Variants in ZHX3 observed in about 807,000 individuals in gnomAD.
ZHX3 encodes the protein zinc fingers and homeoboxes 3, also known as zinc fingers and homeoboxes protein 3.
Under a neutral mutation model 64.5 loss-of-function variants are expected in ZHX3, and 20 were observed. That is an observed-to-expected ratio of 0.31 (90% CI 0.22 to 0.45). ZHX3 has a LOEUF of 0.45. Ranked by LOEUF, ZHX3 falls within the 20% of genes least tolerant of loss-of-function variation. The pLI is 1.00. For synonymous variants in ZHX3, 423 were observed against 461.6 expected (o/e 0.92, Z 1.07); for missense variants, 1,041 against 1,195.8 (o/e 0.87, Z 1.91).
intron 1 of ZHX3, among the ~76,000 whole-genome samples, chr20:41,314,673 C>T (rs763632137): frequency 7.2e-5 from 11 of 152,124 alleles, no homozygotes; most frequent in African/African-American, 2.4e-4. Flanking sequence ...AAATCAAGAC[C>T]GTAATTCTTT....
In ZHX3 at chr20:41,185,481, AG is replaced by A; in HGVS notation, c.2861-281del. On this transcript the variant is annotated intron_variant, in intron 3 of 3. Transcript: ENST00000683867. This position sits in a 1 kb window ranked among gnomAD's most constrained non-coding sequence, Gnocchi z 5.0. Reference sequence around the variant, plus strand: ...GCAGGAGCAGTGGTTTGGCCTCTCCAGGCCCACTAAATCCCCCTAGCTCCCC... The same window carrying A: ...GCAGGAGCAGTGGTTTGGCCTCTCCAGCCCACTAAATCCCCCTAGCTCCCC... 1 of 549,426 alleles carries A rather than the reference AG, an allele frequency of 1.8e-6. No individual in the cohort carries two copies. The highest frequency in any genetic ancestry group is 2.9e-5 in the East Asian group (1 of 34,002). The allele number at this position is 549,426 out of a possible 1,614,324, so 34.0% of individuals were successfully genotyped here. A position where few individuals can be genotyped will look rare whatever the true frequency, so the allele number is the denominator to read the frequency against.
intron 2 of ZHX3, among the ~76,000 whole-genome samples, chr20:41,252,330 T>G (rs1451238343): frequency 6.6e-6 from 1 of 152,226 alleles, no homozygotes; most frequent in Admixed American, 6.5e-5. Flanking sequence ...GCAGGACTAC[T>G]GGATGCCTGC....
In ZHX3 at chr20:41,202,098, T is replaced by C. The variant is rs759354573; in HGVS notation, c.2819A>G (p.Glu940Gly). ...CTGGGGACTCGATGTGTCAAAGGGC[T>C]CTGAGCTGGCCTCAGGGACACGGGG... ...WEPRVPEASS[E>G]PFDTSSPQAG... The change falls in exon 3 of 4, where the codon GAG (glutamate) becomes GGG (glycine). Residue 940 changes from glutamate (E) to glycine (G), a missense_variant. Around this residue, in one of 4 missense-constraint regions of ZHX3, gnomAD observed 649 missense variants for 739.8 expected, o/e 0.88. Coordinates refer to ENST00000683867, the MANE Select transcript of ZHX3 (RefSeq NM_001384317.1). The surrounding 1 kb of genome is among the most constrained non-coding windows in gnomAD (Gnocchi z 7.0). 5 of 1,612,882 alleles carry C rather than the reference T, an allele frequency of 3.1e-6. No individual in the cohort carries two copies. The highest frequency in any genetic ancestry group is 3.4e-6 in the Non-Finnish European group (4 of 1,179,384).
intron 3 of ZHX3, chr20:41,188,583 T>C (rs905233043): frequency 6.6e-6 from 1 of 152,196 alleles, no homozygotes; most frequent in Non-Finnish European, 1.5e-5. Context: ...CTAATTTTTG[T>C]AGAGATGGGG....
At chr20:41,276,364 A>G (rs981276776) in intron 1 of ZHX3, among the ~76,000 whole-genome samples, 1 of 152,162 alleles carries the variant, frequency 6.6e-6, no homozygotes, top group Non-Finnish European at 1.5e-5. Flanking sequence ...GGGAGCCCAG[A>G]TAAGGCACTT....
intron 2 of ZHX3, among the ~76,000 whole-genome samples, chr20:41,241,064 AT>A (rs1986444182): frequency 6.6e-6 from 1 of 152,124 alleles, no homozygotes; most frequent in African/African-American, 2.4e-5. Context: ...TGATAGCTCT[AT>A]TTTTAGTTTT....
In ZHX3 at chr20:41,246,766, G is replaced by A. The variant is rs556706136; in HGVS notation, c.-151+22224C>T. Among the ~76,000 whole-genome samples, 7 of 151,680 alleles carry A rather than the reference G, an allele frequency of 4.6e-5. 1 individual carries two copies. Among genetic ancestry groups the A allele is most frequent in the South Asian group, 4.2e-4 (2 of 4,784 alleles). ...CACATGCCTGTAATCCCAGCTACTCGGAAGGCCAAAGCAGGAGAATCACTC... is the reference window on the plus strand; with the variant it reads ...CACATGCCTGTAATCCCAGCTACTCAGAAGGCCAAAGCAGGAGAATCACTC... On this transcript the variant is annotated intron_variant, in intron 2 of 3. Transcript: ENST00000683867.
chr20:41,225,935 C>G (rs923522232), intron 2 of ZHX3, among the ~76,000 whole-genome samples: 1 of 152,184 alleles, frequency 6.6e-6, no homozygotes, highest in Non-Finnish European at 1.5e-5. Context: ...TTCCCCCAGC[C>G]CCTGGCAACT....
chr20:41,301,346 T>C (rs2044795493), intron 1 of ZHX3, among the ~76,000 whole-genome samples: 1 of 152,134 alleles, frequency 6.6e-6, no homozygotes, highest in South Asian at 2.1e-4. Flanking sequence ...CACCCCATAC[T>C]CAAAATATAC....
rs2038530473 is a variant in ZHX3, at chr20:41,204,430, C to T, written c.487G>A (p.Asp163Asn). 1.2e-6 allele frequency: 2 copies of T among 1,614,080 alleles called. No individual in the cohort carries two copies. Among genetic ancestry groups the T allele is most frequent in the Non-Finnish European group, 1.7e-6 (2 of 1,180,038 alleles). Residue 163 changes from aspartate to asparagine, a missense_variant, in exon 3 of 4, where the codon GAC becomes AAC. Physicochemically the swap from Asp to Asn is conservative, Grantham distance 23 (BLOSUM62 1). This residue lies in a region of ZHX3 where 358 missense variants were observed against 369.1 expected (regional missense o/e 0.97). Transcript: ENST00000683867. The surrounding 1 kb of genome is among the most constrained non-coding windows in gnomAD (Gnocchi z 6.6). ...QSIPESTSTP[D>N]LAGEPSAEGA... ...TCAGCACTGGGCTCACCCGCTAGGT[C>T]AGGAGTGCTGGTGCTCTCAGGGATG... is the stretch of plus-strand genomic sequence containing the variant.
chr20:41,289,611 A>T (rs2044122990), intron 1 of ZHX3, among the ~76,000 whole-genome samples: 1 of 152,192 alleles, frequency 6.6e-6, no homozygotes, highest in African/African-American at 2.4e-5. Flanking sequence ...TATTGTACTA[A>T]TAAAACGTTT....
rs73907111 is a variant in ZHX3, at chr20:41,205,825, C to G, written c.-150-759G>C. Among the ~76,000 whole-genome samples the G allele has an allele frequency of 7.2e-3, 1,103 of 152,310 alleles. 9 individuals carry two copies. The highest frequency in any genetic ancestry group is 0.025 in the African/African-American group (1,057 of 41,566). On this transcript the variant is annotated intron_variant, in intron 2 of 3. Transcript: ENST00000683867. ...TCAAAGGGTGGTCTCACCTTGAGAT[C>G]TGAGAACAGTTGGACTGCCTCCCCA...
At chr20:41,276,349 TAA>T (rs899411130) in intron 1 of ZHX3, among the ~76,000 whole-genome samples, 3 of 152,150 alleles carry the variant, frequency 2.0e-5, no homozygotes, top group Non-Finnish European at 4.4e-5. Flanking sequence ...GAAGCCTCTG[TAA>T]AAGGGAGCCC....
At chr20:41,247,969 G>A (rs568296353) in intron 2 of ZHX3, among the ~76,000 whole-genome samples, 1 of 152,286 alleles carries the variant, frequency 6.6e-6, no homozygotes, top group East Asian at 1.9e-4. Context: ...ATGGCCTACA[G>A]TATAAATTCC....
At chr20:41,271,564 AG>A (rs1259579564) in intron 1 of ZHX3, among the ~76,000 whole-genome samples, 1 of 152,192 alleles carries the variant, frequency 6.6e-6, no homozygotes, top group Non-Finnish European at 1.5e-5. Flanking sequence ...GGAAGCAGGT[AG>A]GAGTGTGGAA....
chr20:41,303,344 T>C (rs1445489156), intron 1 of ZHX3, among the ~76,000 whole-genome samples: 3 of 152,236 alleles, frequency 2.0e-5, no homozygotes, highest in African/African-American at 7.2e-5. Context: ...AAAGGCAGAT[T>C]GTGGAGGTCT....
intron 2 of ZHX3, among the ~76,000 whole-genome samples, chr20:41,225,777 C>T (rs572660897): frequency 1.4e-4 from 22 of 152,146 alleles, no homozygotes; most frequent in Non-Finnish European, 2.6e-4. Context: ...CGTGAACCAC[C>T]GCACCCAGAC....
Position 41,317,543 on chromosome 20 carries a change from G to A in ZHX3, c.-279C>T, listed in dbSNP as rs1304014593. ...GCGGCGGTGGCGGCGCCCGCGACCGGGCCGCTCTTCCCGCGCTGCGGGCCT... is the reference window on the plus strand; with the variant it reads ...GCGGCGGTGGCGGCGCCCGCGACCGAGCCGCTCTTCCCGCGCTGCGGGCCT... On this transcript the variant is annotated 5_prime_UTR_variant, in exon 1 of 4. Coordinates refer to ENST00000683867, the MANE Select transcript of ZHX3 (RefSeq NM_001384317.1). 2 of 147,506 alleles carry A rather than the reference G, an allele frequency of 1.4e-5. No individual in the cohort carries two copies. The highest frequency in any genetic ancestry group is 4.9e-5 in the African/African-American group (2 of 40,928). 9.1% of individuals were successfully genotyped at this position (147,506 alleles called of 1,614,324 possible).
intron 2 of ZHX3, among the ~76,000 whole-genome samples, chr20:41,267,219 T>G (rs928103373): frequency 2.6e-5 from 4 of 152,194 alleles, no homozygotes; most frequent in Non-Finnish European, 5.9e-5. Flanking sequence ...TTTTTTTTAG[T>G]GTAAATATCT....
Sources: allele counts gnomAD v4.1 joint callset (sites outside exome capture counted in the v4.1 genomes callset), GRCh38; gene constraint gnomAD v4.1.1; regional missense constraint gnomAD v4.1.1; non-coding constraint Gnocchi (gnomAD v3.1); transcripts MANE v1.5; gene names NCBI Gene and HGNC (gene_info 2026-07-23, HGNC 2026-07-21).